Variants in ATP2B2 observed in about 807,000 individuals in gnomAD.
ATP2B2 encodes ATPase plasma membrane Ca2+ transporting 2.
A neutral mutation model predicts 120.0 loss-of-function variants in ATP2B2; 15 were observed. That is an observed-to-expected ratio of 0.12 (90% CI 0.08 to 0.19). The LOEUF (loss-of-function observed/expected upper bound fraction) is 0.19, where lower values mean the gene tolerates loss of function less well. ATP2B2 is among the 10% of genes least tolerant of loss of function. The pLI, the probability that ATP2B2 is intolerant of heterozygous loss-of-function variation, is 1.00. For missense variants in ATP2B2, 1,045 were observed against 1,719.8 expected, an observed-to-expected ratio of 0.61 and a Z score of 6.94; for synonymous variants, 694 against 700.3, an observed-to-expected ratio of 0.99 and a Z score of 0.14.
intron 1 of ATP2B2, among the ~76,000 whole-genome samples, chr3:10,502,974 G>A (rs969145877): frequency 5.3e-5 from 8 of 152,342 alleles, no homozygotes; most frequent in Middle Eastern, 3.4e-3. Context: ...CATCTGGGAC[G>A]TGGGGATAAC....
chr3:10,616,577 A>G (rs1286799407), intron 2 of ATP2B2, among the ~76,000 whole-genome samples: 1 of 152,238 alleles, frequency 6.6e-6, no homozygotes, highest in Non-Finnish European at 1.5e-5. Context: ...ACTATGTGAC[A>G]TTGACCTTGG....
intron 1 of ATP2B2, among the ~76,000 whole-genome samples, chr3:10,640,011 G>A (rs548776670): frequency 4.1e-4 from 62 of 152,234 alleles, no homozygotes; most frequent in Admixed American, 9.8e-4. Flanking sequence ...TGGTGTTTTT[G>A]CACTGAAAGT....
At chr3:10,665,884 G>C (rs1238059474) in intron 1 of ATP2B2, among the ~76,000 whole-genome samples, 2 of 152,198 alleles carry the variant, frequency 1.3e-5, no homozygotes, top group Admixed American at 6.5e-5. Context: ...CTAGACCAGA[G>C]AAGGGCTCTG....
Position 10,402,795 on chromosome 3 carries a change from G to A in ATP2B2, c.398-447C>T, listed in dbSNP as rs1360183220. On this transcript the variant is annotated intron_variant, in intron 3 of 22. Transcript: ENST00000360273. The surrounding 1 kb of genome is among the most constrained non-coding windows in gnomAD (Gnocchi z 4.9). ...ATCTCGGGGACCTATTGTCAGAGTT[G>A]AAATTTAATGTGGTAAAGTTCACAG... Among the ~76,000 whole-genome samples the A allele has an allele frequency of 1.3e-5, 2 of 152,146 alleles. No homozygotes were observed. The highest frequency in any genetic ancestry group is 3.8e-4 in the East Asian group (2 of 5,200).
intron 5 of ATP2B2, among the ~76,000 whole-genome samples, chr3:10,398,271 G>A (rs897088265): frequency 7.2e-5 from 11 of 152,284 alleles, no homozygotes; most frequent in African/African-American, 1.7e-4. Context: ...CCAGGTTCCC[G>A]CATGCCCCTC....
rs1229351012 is a variant in ATP2B2, at chr3:10,683,740, GTA to G, written c.-460+24173_-460+24174del. Among the ~76,000 whole-genome samples the G allele has an allele frequency of 2.8e-3, 301 of 105,756 alleles. 8 individuals are homozygous for G. The highest frequency in any genetic ancestry group is 0.01 in the African/African-American group (284 of 28,266). 69.4% of individuals were successfully genotyped at this position (105,756 alleles called of 152,430 possible). On this transcript the variant is annotated intron_variant, in intron 1 of 21. Coordinates refer to the ATP2B2 transcript ENST00000646379. ...TACATGTGTGTGTGTATATATATGT[GTA>G]TATATATGTGTGTGTGTGTATATAT...
At chr3:10,365,232 C>A (rs1272028469) in intron 12 of ATP2B2, among the ~76,000 whole-genome samples, 3 of 152,230 alleles carry the variant, frequency 2.0e-5, no homozygotes, top group South Asian at 4.1e-4. Flanking sequence ...CAGGGCAGGG[C>A]AGTTGGCCTC....
At chr3:10,449,244 G>A (rs2063945503) in intron 2 of ATP2B2, 101 bp downstream of exon 2, 4 of 1,324,274 alleles carry the variant, frequency 3.0e-6, no homozygotes, top group Admixed American at 3.8e-5. Flanking sequence ...GCCTTTCTCT[G>A]ACACATCCCT....
chr3:10,410,307 G>A (rs2062564578), intron 3 of ATP2B2, among the ~76,000 whole-genome samples: 1 of 152,178 alleles, frequency 6.6e-6, no homozygotes, highest in Non-Finnish European at 1.5e-5. Context: ...CATTACCATG[G>A]CAGCTACCTC....
At chr3:10,594,750 A>C (rs182646290) in intron 2 of ATP2B2, among the ~76,000 whole-genome samples, 7 of 151,658 alleles carry the variant, frequency 4.6e-5, no homozygotes, top group African/African-American at 1.5e-4. Flanking sequence ...TAAAAGAAAC[A>C]CGTCTATTTA....
At chr3:10,388,470 A>T in intron 5 of ATP2B2, 68 bp from the exon 6 acceptor site, 1 of 1,612,368 alleles carries the variant, frequency 6.2e-7, no homozygotes, top group Non-Finnish European at 8.5e-7. Flanking sequence ...GGAGTGAAAA[A>T]ATGTGGTCTC....
At chr3:10,551,435 G>A (rs2067668042) in intron 2 of ATP2B2, among the ~76,000 whole-genome samples, 1 of 152,210 alleles carries the variant, frequency 6.6e-6, no homozygotes, top group Non-Finnish European at 1.5e-5. Flanking sequence ...TGTGATCACT[G>A]TCAGTGCTAC....
rs1282405220 is a variant in ATP2B2 at position 10,347,140 on chromosome 3, T to C, written c.2405-1003A>G. Among the ~76,000 whole-genome samples, 1 of 152,094 alleles carries C rather than the reference T, an allele frequency of 6.6e-6. No homozygotes were observed. The highest frequency in any genetic ancestry group is 2.4e-5 in the African/African-American group (1 of 41,388). ...CATGTTCTTAGCTCCACTTATGAAG[T>C]CCTCTGTGACCAGGCCTCACTCACA... On this transcript the variant is annotated intron_variant, in intron 16 of 22. Transcript: ENST00000360273. This position sits in a 1 kb window ranked among gnomAD's most constrained non-coding sequence, Gnocchi z 5.2.
intron 8 of ATP2B2, among the ~76,000 whole-genome samples, chr3:10,383,421 G>C (rs2061586197): frequency 6.6e-6 from 1 of 152,186 alleles, no homozygotes; most frequent in African/African-American, 2.4e-5. Context: ...TAACCAGGAA[G>C]AGATCAATTC....
chr3:10,591,786 G>A (rs1197069536), intron 2 of ATP2B2, among the ~76,000 whole-genome samples: 1 of 152,158 alleles, frequency 6.6e-6, no homozygotes, highest in Non-Finnish European at 1.5e-5. Context: ...GGGAGCTTAG[G>A]CTTGCACTGC....
intron 1 of ATP2B2, among the ~76,000 whole-genome samples, chr3:10,452,190 C>A (rs1308661887): frequency 6.6e-6 from 1 of 152,244 alleles, no homozygotes; most frequent in Non-Finnish European, 1.5e-5. Context: ...AGTGGAAGAT[C>A]TTTTCAACCT....
At chr3:10,505,146 C>T (rs1250826770) in intron 1 of ATP2B2, among the ~76,000 whole-genome samples, 1 of 152,118 alleles carries the variant, frequency 6.6e-6, no homozygotes, top group Non-Finnish European at 1.5e-5. Context: ...CAGAGGCTGC[C>T]GGAATCTACC....
At chr3:10,540,067 C>T (rs985645513) in intron 2 of ATP2B2, among the ~76,000 whole-genome samples, 1 of 152,178 alleles carries the variant, frequency 6.6e-6, no homozygotes, top group African/African-American at 2.4e-5. Flanking sequence ...AGGATATGAA[C>T]AGACATTTCT....
intron 3 of ATP2B2, among the ~76,000 whole-genome samples, chr3:10,403,723 G>T (rs9879586): frequency 0.1 from 15,835 of 152,218 alleles, 2,703 homozygotes; most frequent in African/African-American, 0.36. Context: ...ACCCTGCAAG[G>T]CCTGCTGTGC....
Sources: allele counts gnomAD v4.1 joint callset (sites outside exome capture counted in the v4.1 genomes callset), GRCh38; gene constraint gnomAD v4.1.1; non-coding constraint Gnocchi (gnomAD v3.1); transcripts MANE v1.5; gene names NCBI Gene and HGNC (gene_info 2026-07-23, HGNC 2026-07-21).